The following PTPRN2 variants were observed in gnomAD, a reference collection of about 807,000 sequenced individuals.
The protein encoded by PTPRN2 is receptor-type tyrosine-protein phosphatase N2.
PTPRN2 carries 74 observed loss-of-function variants against 118.8 expected under a neutral mutation model. The observed-to-expected ratio is 0.62, with a 90% CI of 0.52 to 0.76. The LOEUF (loss-of-function observed/expected upper bound fraction) is 0.76. Among genes scored for constraint, PTPRN2 ranks in the 30% least tolerant of loss-of-function variants. The pLI is 0.00. For synonymous variants in PTPRN2, 641 were observed against 608.0 expected (o/e 1.05, Z -0.80); for missense variants, 1,481 against 1,394.4 (o/e 1.06, Z -0.99).
chr7:158,317,137 A>G (rs774285909), intron 2 of PTPRN2, among the ~76,000 whole-genome samples: 2 of 151,954 alleles, frequency 1.3e-5, no homozygotes, highest in Non-Finnish European at 2.9e-5. Context: ...GGAAAACACA[A>G]ATGCCAAGGT....
rs34068475 is a variant in PTPRN2, at chr7:157,562,940, A to G, written c.2902+5962T>C. ...ACAGATCAGGACCACGTGCTCCCACATCACCACACAGCAGATCAGGACCAC... is the reference window on the plus strand; with the variant it reads ...ACAGATCAGGACCACGTGCTCCCACGTCACCACACAGCAGATCAGGACCAC... On this transcript the variant is annotated intron_variant, in intron 21 of 22. Transcript: ENST00000389418. 3.8e-4 allele frequency among the ~76,000 whole-genome samples: 36 copies of G among 95,318 alleles called. 2 individuals carry two copies. Among genetic ancestry groups the G allele is most frequent in the East Asian group, 7.3e-4 (2 of 2,748 alleles). 62.5% of individuals were successfully genotyped at this position (95,318 alleles called of 152,430 possible). A position where few individuals can be genotyped will look rare whatever the true frequency, so the allele number is the denominator to read the frequency against.
At chr7:158,203,225 CAAAAAAAAAAA>C (rs56016358) in intron 4 of PTPRN2, among the ~76,000 whole-genome samples, 10 of 50,332 alleles carry the variant, frequency 2.0e-4, no homozygotes, top group South Asian at 9.1e-4. Context: ...AAGCAAGAGC[CAAAAAAAAAAA>C]AAAAAAAAAA....
rs5888743 is a variant in PTPRN2, at chr7:158,282,178, CT to C, written c.277+34640del. Among the ~76,000 whole-genome samples the C allele has an allele frequency of 5.0e-3, 708 of 142,080 alleles. 7 individuals carry two copies. The highest frequency in any genetic ancestry group is 0.016 in the African/African-American group (631 of 38,712). 93.2% of individuals were successfully genotyped at this position (142,080 alleles called of 152,430 possible). On this transcript the variant is annotated intron_variant, in intron 3 of 22. Coordinates refer to ENST00000389418, the MANE Select transcript of PTPRN2 (RefSeq NM_002847.5). ...CCAACTGTCTCAGGAGTGGCTCTGCCTTTTTTTTTTTTTTTCCTTTCTATTT... is the reference window on the plus strand; with the variant it reads ...CCAACTGTCTCAGGAGTGGCTCTGCCTTTTTTTTTTTTTTCCTTTCTATTT...
At position 157,789,486 on chromosome 7, in the gene PTPRN2, G is replaced by C. The variant is rs74859290; in HGVS notation, c.1789-106549C>G. 1.6e-3 allele frequency among the ~76,000 whole-genome samples: 250 copies of C among 152,316 alleles called. 2 individuals carry two copies. Among genetic ancestry groups the C allele is most frequent in the African/African-American group, 5.1e-3 (213 of 41,556 alleles). On this transcript the variant is annotated intron_variant, in intron 12 of 22. Transcript: ENST00000389418. ...CAGGAGGCTCGTGGGAGGCCTCCAG[G>C]GTCAGGTCTCTGCCGGAGAGAAAAG...
Position 158,155,996 on chromosome 7 carries a change from T to C in PTPRN2, c.910+10935A>G, listed in dbSNP as rs142299979. 4.2e-3 allele frequency among the ~76,000 whole-genome samples: 634 copies of C among 152,350 alleles called. 13 individuals are homozygous for C. The East Asian group carries it at 0.058, about 14-fold the overall frequency. ...CTTCCACAGGGAGAAACTGACATAA[T>C]CATATGCCAGCATGTTGTCTATTTT... On this transcript the variant is annotated intron_variant, in intron 6 of 22. Transcript: ENST00000389418.
intron 22 of PTPRN2, among the ~76,000 whole-genome samples, chr7:157,544,250 C>G (rs149049853): frequency 6.6e-6 from 1 of 152,114 alleles, no homozygotes; most frequent in Non-Finnish European, 1.5e-5. Context: ...AAGTGGGCTG[C>G]GGGCCTGGAG....
chr7:158,306,312 G>T (rs779723529), intron 3 of PTPRN2, among the ~76,000 whole-genome samples: 5 of 152,208 alleles, frequency 3.3e-5, no homozygotes, highest in Non-Finnish European at 5.9e-5. Context: ...AACACATGGA[G>T]GGCTGTGTGC....
chr7:157,667,768 A>C (rs1309619210), intron 13 of PTPRN2, among the ~76,000 whole-genome samples: 1 of 152,292 alleles, frequency 6.6e-6, no homozygotes, highest in Non-Finnish European at 1.5e-5. Context: ...AGCGTTTGTC[A>C]GGAACGGTAA....
intron 11 of PTPRN2, among the ~76,000 whole-genome samples, chr7:158,041,547 A>G (rs1437603754): frequency 6.6e-6 from 1 of 152,178 alleles, no homozygotes; most frequent in Non-Finnish European, 1.5e-5. Flanking sequence ...CTGAGGCAGG[A>G]GAATCGCTTG....
At chr7:158,096,616 C>T (rs961377168) in intron 10 of PTPRN2, among the ~76,000 whole-genome samples, 9 of 152,186 alleles carry the variant, frequency 5.9e-5, no homozygotes, top group South Asian at 2.1e-4. Flanking sequence ...CCAGGAAAAC[C>T]TCATGTCACT....
intron 10 of PTPRN2, among the ~76,000 whole-genome samples, chr7:158,098,472 G>A (rs973455813): frequency 2.0e-5 from 3 of 152,220 alleles, no homozygotes; most frequent in Non-Finnish European, 2.9e-5. Flanking sequence ...GCAAAGCCCA[G>A]CCCTGCTCCC....
rs574041857 is a variant in PTPRN2 at position 158,110,920 on chromosome 7, G to A, written c.1557-5C>T. On this transcript the variant is annotated splice_polypyrimidine_tract_variant and splice_region_variant and intron_variant, in intron 9 of 22. Transcript: ENST00000389418. ...CCTTCCTCGGGGCGCAGGGGGCTGC[G>A]GATGACAGCAGGGATGGGGAGCAGT... 65 of 1,554,724 alleles carry A rather than the reference G, an allele frequency of 4.2e-5. No homozygotes were observed. The highest frequency in any genetic ancestry group is 2.1e-4 in the South Asian group (18 of 84,710).
At chr7:157,884,361 CTA>C (rs1172896629) in intron 12 of PTPRN2, among the ~76,000 whole-genome samples, 1 of 152,218 alleles carries the variant, frequency 6.6e-6, no homozygotes, top group Non-Finnish European at 1.5e-5. Flanking sequence ...TAAGAGAGAT[CTA>C]TGTTTATAAA....
chr7:158,507,194 C>G (rs577980242), intron 1 of PTPRN2, among the ~76,000 whole-genome samples: 2 of 152,200 alleles, frequency 1.3e-5, no homozygotes, highest in Non-Finnish European at 2.9e-5. Flanking sequence ...CAGTGAGGAC[C>G]GTCCAGGGGA....
At chr7:158,269,173 C>T (rs1798129525) in intron 3 of PTPRN2, among the ~76,000 whole-genome samples, 1 of 152,158 alleles carries the variant, frequency 6.6e-6, no homozygotes, top group Admixed American at 6.5e-5. Flanking sequence ...GGAAAATGCC[C>T]CAAAGGGGCC....
intron 1 of PTPRN2, among the ~76,000 whole-genome samples, chr7:158,502,547 C>T (rs1423480852): frequency 1.3e-5 from 2 of 152,172 alleles, no homozygotes; most frequent in Non-Finnish European, 2.9e-5. Context: ...CTCGGGACGC[C>T]TTCCTCCCGG....
chr7:158,509,367 C>T lies in PTPRN2; in HGVS notation c.113-19582G>A, dbSNP rs541831990. Among the ~76,000 whole-genome samples, 31 of 152,320 alleles carry T rather than the reference C, an allele frequency of 2.0e-4. No homozygotes were observed. The highest frequency in any genetic ancestry group is 6.2e-4 in the South Asian group (3 of 4,828). ...GCCGGAGACCCCTCCACCCTGCAGT[C>T]AGGGCCAGCGGGGCTGTCTCAGGCA... On this transcript the variant is annotated intron_variant, in intron 1 of 22. Coordinates refer to ENST00000389418, the MANE Select transcript of PTPRN2 (RefSeq NM_002847.5). This position sits in a 1 kb window ranked among gnomAD's most constrained non-coding sequence, Gnocchi z 4.4.
chr7:158,054,044 C>T lies in PTPRN2; in HGVS notation c.1723+27254G>A, dbSNP rs185512237. On this transcript the variant is annotated intron_variant, in intron 11 of 22. Transcript: ENST00000389418. Reference sequence around the variant, plus strand: ...AGAGACTCCAGAGATGCAGAGACCCCAGAGATGCAGAGATCCTAGAGATGG... The same window carrying T: ...AGAGACTCCAGAGATGCAGAGACCCTAGAGATGCAGAGATCCTAGAGATGG... 1.8e-3 allele frequency among the ~76,000 whole-genome samples: 264 copies of T among 146,244 alleles called. 8 individuals carry two copies. Among genetic ancestry groups the T allele is most frequent in the African/African-American group, 6.8e-3 (252 of 37,274 alleles).
intron 3 of PTPRN2, among the ~76,000 whole-genome samples, chr7:158,240,620 G>A (rs1051559855): frequency 1.3e-5 from 2 of 152,098 alleles, no homozygotes; most frequent in African/African-American, 4.8e-5. Context: ...GTAGAGACAG[G>A]GTTTCACCAT....
Sources: gnomAD v4.1 joint callset for allele counts (sites outside exome capture counted in the v4.1 genomes callset) on GRCh38, gnomAD v4.1.1 for gene constraint, Gnocchi (gnomAD v3.1) non-coding constraint, MANE v1.5 for transcripts, NCBI Gene and HGNC (gene_info 2026-07-23, HGNC 2026-07-21) for gene names.